Variants in CACNA1C observed in about 807,000 individuals in gnomAD.
CACNA1C encodes voltage-dependent L-type calcium channel subunit alpha-1C.
A neutral mutation model predicts 229.0 loss-of-function variants in CACNA1C; 30 were observed. The ratio of observed to expected loss-of-function variants is 0.13; its 90% confidence interval spans 0.10 to 0.18. The LOEUF is 0.18. Among genes scored for constraint, CACNA1C ranks in the 10% least tolerant of loss-of-function variants. The probability of loss-of-function intolerance (pLI) is 1.00; values close to 1 mark genes in which losing one functional copy is unlikely to be tolerated. For synonymous variants in CACNA1C, 1,114 were observed against 1,132.5 expected (o/e 0.98, Z 0.33); for missense variants, 1,658 against 2,845.0 (o/e 0.58, Z 9.49).
chr12:2,577,442 G>A (rs967367145), intron 13 of CACNA1C, among the ~76,000 whole-genome samples: 4 of 152,248 alleles, frequency 2.6e-5, no homozygotes, highest in Non-Finnish European at 4.4e-5. Flanking sequence ...ACCGTTTTCT[G>A]TAGGACATAT....
At position 2,103,915 on chromosome 12, in the gene CACNA1C, C is replaced by G. The variant is rs569736451; in HGVS notation, c.50-11309C>G. 4.6e-5 allele frequency among the ~76,000 whole-genome samples: 7 copies of G among 152,256 alleles called. 1 individual carries two copies. The South Asian group carries it at 1.5e-3, about 32-fold the overall frequency. On this transcript the variant is annotated intron_variant, in intron 1 of 46. Transcript: ENST00000399655. ...TGTGTGGCATTATTTCTGAGGGCCT[C>G]TGTTCTGTTCCATTGGTCTATATAT...
intron 3 of CACNA1C, among the ~76,000 whole-genome samples, chr12:2,360,961 C>A (rs530472717): frequency 6.6e-6 from 1 of 152,086 alleles, no homozygotes; most frequent in Non-Finnish European, 1.5e-5. Context: ...CACGACCATG[C>A]GCAAGCTCTC....
At chr12:2,000,178 C>T (rs906369436) in intron 1 of CACNA1C, among the ~76,000 whole-genome samples, 1 of 152,138 alleles carries the variant, frequency 6.6e-6, no homozygotes, top group Admixed American at 6.5e-5. Context: ...CACAAGTCCA[C>T]AAAGCATTTA....
At chr12:2,164,050 T>G (rs2096073025) in intron 3 of CACNA1C, among the ~76,000 whole-genome samples, 1 of 152,184 alleles carries the variant, frequency 6.6e-6, no homozygotes, top group Non-Finnish European at 1.5e-5. Flanking sequence ...TGGAGTGGGC[T>G]TCCTCCCTCC....
At position 2,053,647 on chromosome 12, in the gene CACNA1C, T is replaced by G. The variant is rs371812517; in HGVS notation, c.49+36T>G. ...ACCCCGCCGCCTCGCCGGGGCTCCC[T>G]GCCTTTTCCACCGGGTTCCTGCCCT... On this transcript the variant is annotated intron_variant, in intron 1 of 46. Transcript: ENST00000399655. The surrounding 1 kb of genome is among the most constrained non-coding windows in gnomAD (Gnocchi z 5.8). 6 of 1,498,482 alleles carry G rather than the reference T, an allele frequency of 4.0e-6. No homozygotes were observed. The highest frequency in any genetic ancestry group is 4.3e-4 in the Middle Eastern group (2 of 4,664). 92.8% of individuals were successfully genotyped at this position (1,498,482 alleles called of 1,614,324 possible). A position where few individuals can be genotyped will look rare whatever the true frequency, so the allele number is the denominator to read the frequency against.
At chr12:2,043,703 C>T (rs1294231337) in intron 1 of CACNA1C, among the ~76,000 whole-genome samples, 10 of 131,322 alleles carry the variant, frequency 7.6e-5, no homozygotes, top group Non-Finnish European at 1.1e-4. Context: ...GGCCGGACTG[C>T]GGACTGCAGT....
At chr12:2,235,949 G>GGAC (rs1566584639) in intron 3 of CACNA1C, among the ~76,000 whole-genome samples, 4 of 152,196 alleles carry the variant, frequency 2.6e-5, no homozygotes, top group South Asian at 2.1e-4. Context: ...GGACATCACA[G>GGAC]ATAGGCATTA....
chr12:2,601,817 G>A lies in CACNA1C; in HGVS notation c.2854-37G>A. ...GAGGGGTCTCTGGGCTAGGGCTAGG[G>A]CCACTCACACTGGTGTTCCTTTGTC... On this transcript the variant is annotated intron_variant, in intron 21 of 46. Coordinates refer to ENST00000399655, the MANE Select transcript of CACNA1C (RefSeq NM_000719.7). The surrounding 1 kb of genome is among the most constrained non-coding windows in gnomAD (Gnocchi z 5.9). The A allele has an allele frequency of 7.2e-7, 1 of 1,381,732 alleles. No homozygotes were observed. The highest frequency in any genetic ancestry group is 1.0e-6 in the Non-Finnish European group (1 of 968,104). 85.6% of individuals were successfully genotyped at this position (1,381,732 alleles called of 1,614,324 possible).
chr12:2,258,269 T>G (rs973879397), intron 3 of CACNA1C, among the ~76,000 whole-genome samples: 1 of 152,270 alleles, frequency 6.6e-6, no homozygotes, highest in African/African-American at 2.4e-5. Context: ...ATGAGAGTTA[T>G]GTAATAATTC....
intron 1 of CACNA1C, among the ~76,000 whole-genome samples, chr12:2,076,255 G>A (rs939538914): frequency 2.6e-5 from 4 of 152,174 alleles, no homozygotes; most frequent in South Asian, 2.1e-4. Context: ...ACCCGCAGAC[G>A]TAACCTTCTG....
At chr12:2,500,719 G>A (rs1253329770) in intron 7 of CACNA1C, among the ~76,000 whole-genome samples, 2 of 152,320 alleles carry the variant, frequency 1.3e-5, no homozygotes, top group East Asian at 1.9e-4. Context: ...CGCACACGGG[G>A]CAAGCTCCTT....
chr12:2,277,362 GACACACACACACACACAC>G lies in CACNA1C; in HGVS notation c.477+156981_477+156998del, dbSNP rs59258094. On this transcript the variant is annotated intron_variant, in intron 3 of 46. Coordinates refer to ENST00000399655, the MANE Select transcript of CACNA1C (RefSeq NM_000719.7). The stretch of plus-strand genomic sequence containing the variant: ...AGACAGACAGACAGACAGACAGACA[GACACACACACACACACAC>G]ACACACACACACACACACACACACA... Among the ~76,000 whole-genome samples the G allele has an allele frequency of 9.0e-3, 650 of 72,176 alleles. 3 individuals carry two copies. The highest frequency in any genetic ancestry group is 0.013 in the African/African-American group (228 of 18,138). The allele number at this position is 72,176 out of a possible 152,430, so 47.4% of individuals were successfully genotyped here. A position where few individuals can be genotyped will look rare whatever the true frequency, so the allele number is the denominator to read the frequency against.
chr12:2,582,691 C>G, intron 14 of CACNA1C, 131 bp from the exon 15 acceptor site: 1 of 898,634 alleles, frequency 1.1e-6, no homozygotes, highest in African/African-American at 1.7e-5. Context: ...GAATTGGGGG[C>G]CAGGAGGAGG....
At chr12:2,579,083 C>T (rs1319229827) in intron 13 of CACNA1C, among the ~76,000 whole-genome samples, 1 of 152,124 alleles carries the variant, frequency 6.6e-6, no homozygotes, top group African/African-American at 2.4e-5. Context: ...GGGGCCTCCC[C>T]CAGACTTTCT....
Position 2,639,431 on chromosome 12 carries a change from T to C in CACNA1C, c.3912+5051T>C, listed in dbSNP as rs2093369550. Among the ~76,000 whole-genome samples the C allele has an allele frequency of 6.6e-6, 1 of 152,226 alleles. No individual in the cohort carries two copies. Among genetic ancestry groups the C allele is most frequent in the Non-Finnish European group, 1.5e-5 (1 of 68,046 alleles). On this transcript the variant is annotated intron_variant, in intron 30 of 46. Transcript: ENST00000399655. The surrounding 1 kb of genome is among the most constrained non-coding windows in gnomAD (Gnocchi z 4.2). ...CTTTTTCATTTTGTATTTTAAAATA[T>C]ACTGAACAATAGAAAGTGCTGGGCA...
chr12:2,429,620 G>A (rs538179406), intron 3 of CACNA1C, among the ~76,000 whole-genome samples: 1 of 152,320 alleles, frequency 6.6e-6, no homozygotes, highest in South Asian at 2.1e-4. Context: ...GCTCTTCGTA[G>A]CCTGCAGGCA....
Position 2,677,228 on chromosome 12 carries a change from G to T in CACNA1C, c.4956+7G>T. On this transcript the variant is annotated splice_region_variant and intron_variant, in intron 40 of 46. Transcript: ENST00000399655. The surrounding 1 kb of genome is among the most constrained non-coding windows in gnomAD (Gnocchi z 7.4). ...GAACGCGCTGTCTCTGCAGGTGAGG[G>T]CCTGGGGGCGGGCCCACACTCCAGG... 6.2e-7 allele frequency: 1 copy of T among 1,613,142 alleles called. No homozygotes were observed. The highest frequency in any genetic ancestry group is 1.3e-5 in the African/African-American group (1 of 75,048).
chr12:2,608,794 G>A lies in CACNA1C; in HGVS notation c.3558+82G>A, dbSNP rs558109900. The A allele has an allele frequency of 5.4e-5, 74 of 1,379,000 alleles. No homozygotes were observed. Among genetic ancestry groups the A allele is most frequent in the Admixed American group, 4.2e-4 (22 of 52,842 alleles). 85.4% of individuals were successfully genotyped at this position (1,379,000 alleles called of 1,614,324 possible). A position where few individuals can be genotyped will look rare whatever the true frequency, so the allele number is the denominator to read the frequency against. ...GCGGCCCACCCCGCAGAGGGGCTGC[G>A]ACAGGGAGAGGCCGTGCAGATACTG... On this transcript the variant is annotated intron_variant, in intron 27 of 46. Transcript: ENST00000399655. The surrounding 1 kb of genome is among the most constrained non-coding windows in gnomAD (Gnocchi z 4.2).
At chr12:2,389,878 T>C (rs1273803981) in intron 3 of CACNA1C, among the ~76,000 whole-genome samples, 1 of 152,148 alleles carries the variant, frequency 6.6e-6, no homozygotes, top group Non-Finnish European at 1.5e-5. Flanking sequence ...TCCAGCTGGT[T>C]ACAGTGAATT....
Sources: gnomAD v4.1 joint callset for allele counts (sites outside exome capture counted in the v4.1 genomes callset) on GRCh38, gnomAD v4.1.1 for gene constraint, Gnocchi (gnomAD v3.1) non-coding constraint, MANE v1.5 for transcripts, NCBI Gene and HGNC (gene_info 2026-07-23, HGNC 2026-07-21) for gene names.